HTT-AS: variants seen among roughly 807,000 people sequenced by gnomAD.
HTT-AS encodes the protein HTT antisense RNA, also known as HTT antisense RNA (head to head).
chr4:3,066,836 C>T (rs577149637), intron 1 of HTT-AS, among the ~76,000 whole-genome samples: 10 of 152,294 alleles, frequency 6.6e-5, no homozygotes, highest in Non-Finnish European at 1.3e-4. Flanking sequence ...CACAAATTAC[C>T]AGGAACGTGA....
rs115297890 is a variant in HTT-AS, at chr4:3,069,663, A to G, written n.113+4763T>C. Among the ~76,000 whole-genome samples, 1,014 of 152,106 alleles carry G rather than the reference A, an allele frequency of 6.7e-3. 13 individuals are homozygous for G. The highest frequency in any genetic ancestry group is 0.023 in the African/African-American group (953 of 41,384). On this transcript the variant is annotated intron_variant and non_coding_transcript_variant, in intron 1 of 2. Coordinates refer to ENST00000664062, the Ensembl canonical transcript of HTT-AS. ...GAAGCTCCTTACCAGCGGTGCACCT[A>G]GAACCTAAGGAAACAGGACAGATGA...
intron 1 of HTT-AS, among the ~76,000 whole-genome samples, chr4:3,070,599 G>A (rs73086144): frequency 0.088 from 13,376 of 152,146 alleles, 906 homozygotes; most frequent in African/African-American, 0.19. Flanking sequence ...TCTCTCTTCT[G>A]TGTATGTGTA....
At chr4:3,052,255 G>A (rs571563356) in intron 2 of HTT-AS, among the ~76,000 whole-genome samples, 1 of 152,272 alleles carries the variant, frequency 6.6e-6, no homozygotes, top group East Asian at 1.9e-4. Flanking sequence ...AGAGCACCTG[G>A]GAGGTTACTT....
chr4:3,065,611 A>C (rs560614370), intron 1 of HTT-AS, among the ~76,000 whole-genome samples: 1 of 152,312 alleles, frequency 6.6e-6, no homozygotes, highest in East Asian at 1.9e-4. Flanking sequence ...ATATAAGTAA[A>C]AAATGCCCTT....
intron 1 of HTT-AS, among the ~76,000 whole-genome samples, chr4:3,065,387 C>T (rs761559064): frequency 4.5e-4 from 69 of 151,850 alleles, no homozygotes; most frequent in Non-Finnish European, 6.8e-4. Flanking sequence ...ACTACAGGCG[C>T]GCACCACCAT....
chr4:3,061,704 G>T (rs1711929285), intron 2 of HTT-AS, among the ~76,000 whole-genome samples: 1 of 142,980 alleles, frequency 7.0e-6, no homozygotes, highest in Non-Finnish European at 1.5e-5. Context: ...AAAAAGGCCT[G>T]GGCAAAGTGG....
At chr4:3,066,111 A>C (rs1191928526) in intron 1 of HTT-AS, among the ~76,000 whole-genome samples, 1 of 152,232 alleles carries the variant, frequency 6.6e-6, no homozygotes, top group Non-Finnish European at 1.5e-5. Context: ...GCCAAACACC[A>C]GGGCTGCTTC....
intron 1 of HTT-AS, among the ~76,000 whole-genome samples, chr4:3,067,397 C>T (rs1408765484): frequency 6.6e-6 from 1 of 152,124 alleles, no homozygotes; most frequent in Non-Finnish European, 1.5e-5. Context: ...AAAAGAAATC[C>T]ATACTGTGAA....
At chr4:3,066,332 G>T (rs928519270) in intron 1 of HTT-AS, among the ~76,000 whole-genome samples, 2 of 152,102 alleles carry the variant, frequency 1.3e-5, no homozygotes, top group Non-Finnish European at 2.9e-5. Context: ...ACTACACCCA[G>T]CTGATTTTTG....
chr4:3,064,426 TA>T (rs1312206910), intron 1 of HTT-AS, among the ~76,000 whole-genome samples: 2 of 151,936 alleles, frequency 1.3e-5, no homozygotes, highest in African/African-American at 4.8e-5. Flanking sequence ...ATCAACTAAC[TA>T]ACCAAATAAA....
intron 1 of HTT-AS, among the ~76,000 whole-genome samples, chr4:3,068,157 T>A (rs535988974): frequency 3.4e-4 from 52 of 151,448 alleles, no homozygotes; most frequent in Middle Eastern, 3.4e-3. Context: ...TACAAAAAAA[T>A]TAGTCGGGCA....
chr4:3,054,904 G>A (rs1229045202), intron 2 of HTT-AS, among the ~76,000 whole-genome samples: 26 of 151,700 alleles, frequency 1.7e-4, no homozygotes, highest in African/African-American at 4.1e-4. Flanking sequence ...TAGTAGAGAC[G>A]GGGTTTCACC....
At chr4:3,072,039 G>A (rs1180857302) in intron 1 of HTT-AS, among the ~76,000 whole-genome samples, 2 of 152,028 alleles carry the variant, frequency 1.3e-5, no homozygotes, top group Non-Finnish European at 2.9e-5. Flanking sequence ...CAGCACACAT[G>A]TCTAGTCATA....
intron 2 of HTT-AS, among the ~76,000 whole-genome samples, chr4:3,051,081 T>TGTGTGTGTGTGTGTG (rs1578464010): frequency 1.4e-5 from 2 of 147,118 alleles, no homozygotes; most frequent in African/African-American, 5.1e-5. Flanking sequence ...TGTGTGTGTG[T>TGTGTGTGTGTGTGTG]TTTAGATGGA....
At chr4:3,065,407 AT>A (rs113227230) in intron 1 of HTT-AS, among the ~76,000 whole-genome samples, 4,547 of 151,114 alleles carry the variant, frequency 0.03, 90 homozygotes, top group Middle Eastern at 0.048. Flanking sequence ...TGCCCGGCTA[AT>A]TTTTTTTTGT....
chr4:3,048,973 C>CTTCAT (rs1273241228), downstream of HTT-AS, among the ~76,000 whole-genome samples: 1 of 152,214 alleles, frequency 6.6e-6, no homozygotes, highest in Non-Finnish European at 1.5e-5. Flanking sequence ...TACACTGGAC[C>CTTCAT]TTCATCTTTT....
At chr4:3,063,718 A>C (rs1334553077) in intron 1 of HTT-AS, 1 of 152,274 alleles carries the variant, frequency 6.6e-6, no homozygotes, top group Non-Finnish European at 1.5e-5. Context: ...AAAGAATTAG[A>C]GACATGCCAG....
At chr4:3,062,270 T>C (rs937876989) in intron 2 of HTT-AS, among the ~76,000 whole-genome samples, 2 of 152,022 alleles carry the variant, frequency 1.3e-5, no homozygotes, top group Non-Finnish European at 2.9e-5. Context: ...GCTCAAATGG[T>C]CCTCCCGCCT....
At chr4:3,064,457 A>C (rs1267104015) in intron 1 of HTT-AS, among the ~76,000 whole-genome samples, 2 of 152,238 alleles carry the variant, frequency 1.3e-5, no homozygotes, top group African/African-American at 4.8e-5. Context: ...AACCTAATTA[A>C]GAAACTAAAA....
Sources: gnomAD v4.1 joint callset for allele counts (sites outside exome capture counted in the v4.1 genomes callset) on GRCh38, gnomAD v4.1.1 for gene constraint, MANE v1.5 for transcripts, NCBI Gene and HGNC (gene_info 2026-07-23, HGNC 2026-07-21) for gene names.